LGSN: variants seen among roughly 807,000 people sequenced by gnomAD.
LGSN encodes the protein lengsin.
Under a neutral mutation model 19.5 loss-of-function variants are expected in LGSN, and 21 were observed. The ratio of observed to expected loss-of-function variants is 1.07; its 90% CI spans 0.76 to 1.55. The LOEUF is 1.55. LGSN is among the 40% of genes most tolerant of loss of function. The pLI is 0.00. For synonymous variants in LGSN, 257 were observed against 215.6 expected (o/e 1.19, Z -1.68); for missense variants, 673 against 608.5 (o/e 1.11, Z -1.12).
At chr6:63,500,000 G>A in the LGSN span, among the ~76,000 whole-genome samples, 1 of 152,134 alleles carries the variant, frequency 6.6e-6, no homozygotes, top group Non-Finnish European at 1.5e-5. Flanking sequence ...TTCTGAGGGT[G>A]CTTCAAGTTC....
chr6:63,351,153 G>A, the LGSN span, among the ~76,000 whole-genome samples: 165 of 152,216 alleles, frequency 1.1e-3, no homozygotes, highest in African/African-American at 3.9e-3. Flanking sequence ...TTTCTACCAT[G>A]TGAGGTTACT....
chr6:63,417,053 C>G, the LGSN span, among the ~76,000 whole-genome samples: 1 of 152,048 alleles, frequency 6.6e-6, no homozygotes, highest in African/African-American at 2.4e-5. Flanking sequence ...CTTCTTTAAC[C>G]TGTTTTGTGA....
the LGSN span, among the ~76,000 whole-genome samples, chr6:63,444,919 G>T: frequency 3.9e-5 from 6 of 152,210 alleles, no homozygotes; most frequent in Non-Finnish European, 8.8e-5. Context: ...AGGAGGGAAA[G>T]GACAAGGTCA....
At chr6:63,498,190 T>C in the LGSN span, among the ~76,000 whole-genome samples, 1 of 152,016 alleles carries the variant, frequency 6.6e-6, no homozygotes, top group African/African-American at 2.4e-5. Flanking sequence ...ATTGCTGGGA[T>C]TACAGACGTG....
the LGSN span, among the ~76,000 whole-genome samples, chr6:63,446,223 TG>T: frequency 8.5e-6 from 1 of 117,874 alleles, no homozygotes; most frequent in Non-Finnish European, 1.6e-5. Context: ...CACTCCAGCC[TG>T]GGCGACGAGA....
At chr6:63,449,582 T>C in the LGSN span, among the ~76,000 whole-genome samples, 1 of 149,338 alleles carries the variant, frequency 6.7e-6, no homozygotes, top group African/African-American at 2.5e-5. Flanking sequence ...TCTGGGATAA[T>C]GGTGACTAGA....
the LGSN span, chr6:63,571,666 A>G: frequency 1.3e-5 from 2 of 152,234 alleles, no homozygotes; most frequent in Admixed American, 6.5e-5. Flanking sequence ...CAACATATCA[A>G]GTGAGCAGCA....
chr6:63,316,319 C>T (rs1259532297), intron 1 of LGSN, among the ~76,000 whole-genome samples: 1 of 152,094 alleles, frequency 6.6e-6, no homozygotes, highest in East Asian at 1.9e-4. Flanking sequence ...AGCTATGAGT[C>T]TCGTTTTTAT....
the LGSN span, among the ~76,000 whole-genome samples, chr6:63,531,116 A>C: frequency 0.058 from 8,871 of 152,266 alleles, 358 homozygotes; most frequent in East Asian, 0.16. Flanking sequence ...CAGTTCCCTC[A>C]GTCTCCAAAG....
At chr6:63,531,923 C>A in the LGSN span, among the ~76,000 whole-genome samples, 1 of 152,040 alleles carries the variant, frequency 6.6e-6, no homozygotes, top group Non-Finnish European at 1.5e-5. Context: ...GCCTCAGCCT[C>A]CCGAGTAGCT....
At chr6:63,314,700 C>A (rs1768773073) in intron 1 of LGSN, among the ~76,000 whole-genome samples, 1 of 152,028 alleles carries the variant, frequency 6.6e-6, no homozygotes, top group Non-Finnish European at 1.5e-5. Flanking sequence ...CCAATTTTCC[C>A]TTTAGGGTAA....
the LGSN span, among the ~76,000 whole-genome samples, chr6:63,507,019 C>T: frequency 6.6e-6 from 1 of 152,030 alleles, no homozygotes; most frequent in South Asian, 2.1e-4. Context: ...ATGCCTTACC[C>T]CGACAAACCA....
intron 1 of LGSN, among the ~76,000 whole-genome samples, chr6:63,313,706 C>T (rs1467057939): frequency 6.6e-6 from 1 of 152,004 alleles, no homozygotes; most frequent in Admixed American, 6.6e-5. Context: ...CATGGTGGTG[C>T]ACGCCTGTAA....
the LGSN span, among the ~76,000 whole-genome samples, chr6:63,408,337 G>C: frequency 1.3e-5 from 2 of 149,200 alleles, no homozygotes; most frequent in African/African-American, 2.5e-5. Flanking sequence ...CAGAGATATA[G>C]ATCAATGGAA....
the LGSN span, among the ~76,000 whole-genome samples, chr6:63,433,813 T>G: frequency 6.6e-6 from 1 of 152,242 alleles, no homozygotes; most frequent in African/African-American, 2.4e-5. Flanking sequence ...CCTTTTCTGC[T>G]ACTTTAAGAC....
At chr6:63,293,546 TG>T (rs1348734840) in intron 2 of LGSN, 1 of 291,450 alleles carries the variant, frequency 3.4e-6, no homozygotes, top group Non-Finnish European at 6.9e-6. Flanking sequence ...GTAAGTGTTC[TG>T]ACTCCCGGGC....
At chr6:63,329,123 G>A in the LGSN span, among the ~76,000 whole-genome samples, 64 of 152,280 alleles carry the variant, frequency 4.2e-4, no homozygotes, top group Middle Eastern at 0.01. Context: ...TTCTGAACTG[G>A]TAGCCAGAAG....
chr6:63,362,097 C>A, the LGSN span, among the ~76,000 whole-genome samples: 6 of 152,310 alleles, frequency 3.9e-5, no homozygotes, highest in South Asian at 1.2e-3. Flanking sequence ...GCTGTCATCA[C>A]TTATGATAAC....
the LGSN span, among the ~76,000 whole-genome samples, chr6:63,485,879 C>T: frequency 5.9e-5 from 9 of 152,074 alleles, no homozygotes; most frequent in Non-Finnish European, 1.0e-4. Context: ...TGGACACGCA[C>T]CACCATGCCC....
Sources: allele counts gnomAD v4.1 joint callset (sites outside exome capture counted in the v4.1 genomes callset), GRCh38; gene constraint gnomAD v4.1.1; transcripts MANE v1.5; gene names NCBI Gene and HGNC (gene_info 2026-07-23, HGNC 2026-07-21).